The following ARHGAP6 variants were observed in gnomAD, a reference collection of about 807,000 sequenced individuals.
ARHGAP6 encodes the protein rho GTPase-activating protein 6.
Under a neutral mutation model 55.7 loss-of-function variants are expected in ARHGAP6, and 16 were observed. The observed-to-expected ratio is 0.29, with a 90% CI of 0.19 to 0.44. The LOEUF (loss-of-function observed/expected upper bound fraction) is 0.44. Ranked by LOEUF, ARHGAP6 falls within the 20% of genes least tolerant of loss-of-function variation. ARHGAP6 has a pLI of 1.00. For missense variants in ARHGAP6, 698 were observed against 808.9 expected, an observed-to-expected ratio of 0.86 and a Z score of 1.66; for synonymous variants, 382 against 360.9, an observed-to-expected ratio of 1.06 and a Z score of -0.66.
intron 1 of ARHGAP6, among the ~76,000 whole-genome samples, chrX:11,467,987 TG>T (rs200826819): frequency 0.029 from 2,138 of 74,878 alleles, 63 homozygotes; most frequent in African/African-American, 0.083. Context: ...CTTAAATGAA[TG>T]AATGAATAAA....
intron 1 of ARHGAP6, among the ~76,000 whole-genome samples, chrX:11,577,331 C>T (rs936443106): frequency 1.8e-5 from 2 of 111,998 alleles, no homozygotes; most frequent in Non-Finnish European, 3.8e-5. Context: ...CAGTTATCAT[C>T]GAAGGAAACT....
At chrX:11,318,507 T>C (rs1459690318) in intron 1 of ARHGAP6, 1 of 112,068 alleles carries the variant, frequency 8.9e-6, no homozygotes, top group Non-Finnish European at 1.9e-5. Context: ...CATATTATTT[T>C]GCAATCTACT....
chrX:11,378,355 G>C (rs1352177018), intron 1 of ARHGAP6, among the ~76,000 whole-genome samples: 2 of 112,547 alleles, frequency 1.8e-5, no homozygotes, highest in Non-Finnish European at 3.8e-5. Flanking sequence ...ATCCCAATAA[G>C]ATCCTTCATG....
chrX:11,226,354 G>A (rs1367300585), intron 2 of ARHGAP6, among the ~76,000 whole-genome samples: 1 of 111,256 alleles, frequency 9.0e-6, no homozygotes, highest in Non-Finnish European at 1.9e-5. Context: ...GTATTCCATG[G>A]TGTATATATG....
chrX:11,583,355 T>G (rs980785179), intron 1 of ARHGAP6, among the ~76,000 whole-genome samples: 1 of 112,278 alleles, frequency 8.9e-6, no homozygotes, highest in African/African-American at 3.2e-5. Flanking sequence ...TTAGCAGAAC[T>G]GGACCAGATT....
intron 1 of ARHGAP6, among the ~76,000 whole-genome samples, chrX:11,367,089 G>A (rs1451679788): frequency 9.0e-6 from 1 of 111,705 alleles, no homozygotes; most frequent in Non-Finnish European, 1.9e-5. Flanking sequence ...GGTTCCAGAG[G>A]TAACATGCAA....
intron 1 of ARHGAP6, among the ~76,000 whole-genome samples, chrX:11,347,737 A>G (rs1333338498): frequency 8.9e-6 from 1 of 112,330 alleles, no homozygotes; most frequent in Non-Finnish European, 1.9e-5. Context: ...TTGCTAGCAT[A>G]CAGAATAGCT....
At chrX:11,375,122 A>G (rs1313825725) in intron 1 of ARHGAP6, among the ~76,000 whole-genome samples, 1 of 112,349 alleles carries the variant, frequency 8.9e-6, no homozygotes, top group Admixed American at 9.5e-5. Flanking sequence ...AAACCTCCAG[A>G]AAGCAGATAC....
In ARHGAP6 at chrX:11,372,075, G is replaced by A. The variant is rs190906489; in HGVS notation, c.589-117368C>T. On this transcript the variant is annotated intron_variant, in intron 1 of 12. Transcript: ENST00000337414. ...ATCTAAAGTTGATAAAACAAAAGGG[G>A]AAACAAGCCCATCTGCAGAAATAAT... Among the ~76,000 whole-genome samples the A allele has an allele frequency of 7.1e-3, 800 of 111,929 alleles. 8 individuals carry two copies. The highest frequency in any genetic ancestry group is 0.02 in the African/African-American group (604 of 30,932).
chrX:11,321,774 CA>C (rs1276550578), intron 1 of ARHGAP6, among the ~76,000 whole-genome samples: 2 of 111,965 alleles, frequency 1.8e-5, no homozygotes. Context: ...ATCAAAAATT[CA>C]AAAACATTTG....
chrX:11,512,544 G>C (rs2050795307), intron 1 of ARHGAP6, among the ~76,000 whole-genome samples: 1 of 111,329 alleles, frequency 9.0e-6, no homozygotes, highest in Non-Finnish European at 1.9e-5. Context: ...AGCAGGCCTT[G>C]TGTGTTGCTT....
At chrX:11,165,860 G>A (rs1478592870) in intron 9 of ARHGAP6, among the ~76,000 whole-genome samples, 3 of 111,465 alleles carry the variant, frequency 2.7e-5, no homozygotes, top group Non-Finnish European at 3.8e-5. Flanking sequence ...TCTGATTCTC[G>A]GGAGTGCATC....
At position 11,381,486 on chromosome X, in the gene ARHGAP6, G is replaced by A. The variant is rs1340528870; in HGVS notation, c.589-126779C>T. 7.1e-5 allele frequency among the ~76,000 whole-genome samples: 8 copies of A among 111,959 alleles called. No individual in the cohort carries two copies. In the East Asian group the frequency reaches 2.2e-3, roughly 31 times the overall value. Reference sequence around the variant, plus strand: ...AATCCCTTTCATCCCAACGACCATAGAAGATATAAACCAGTTGTTGTCCAA... The same window carrying A: ...AATCCCTTTCATCCCAACGACCATAAAAGATATAAACCAGTTGTTGTCCAA... On this transcript the variant is annotated intron_variant, in intron 1 of 12. Coordinates refer to ENST00000337414, the MANE Select transcript of ARHGAP6 (RefSeq NM_013427.3).
intron 1 of ARHGAP6, among the ~76,000 whole-genome samples, chrX:11,571,957 C>T (rs1431608283): frequency 9.1e-6 from 1 of 109,999 alleles, no homozygotes; most frequent in African/African-American, 3.3e-5. Context: ...CCATTGCTGG[C>T]TTTCAAGACT....
intron 1 of ARHGAP6, among the ~76,000 whole-genome samples, chrX:11,524,320 G>A (rs2050966753): frequency 9.0e-6 from 1 of 111,347 alleles, no homozygotes; most frequent in South Asian, 3.8e-4. Flanking sequence ...TCCTATACAT[G>A]TTCCTCCATA....
At chrX:11,339,691 T>C (rs1367001369) in intron 1 of ARHGAP6, among the ~76,000 whole-genome samples, 7 of 111,725 alleles carry the variant, frequency 6.3e-5, no homozygotes, top group Non-Finnish European at 9.4e-5. Context: ...ATGACACAAA[T>C]TTCTCTCTCC....
At chrX:11,251,036 A>C (rs763245458) in intron 2 of ARHGAP6, among the ~76,000 whole-genome samples, 134 of 112,001 alleles carry the variant, frequency 1.2e-3, no homozygotes, top group Admixed American at 3.2e-3. Flanking sequence ...AACAGTGTTT[A>C]GATACCAGGA....
chrX:11,177,558 C>T (rs2046249454), intron 8 of ARHGAP6, among the ~76,000 whole-genome samples: 1 of 111,503 alleles, frequency 9.0e-6, no homozygotes, highest in African/African-American at 3.3e-5. Context: ...CTGACCCTCC[C>T]TTGCATCGAG....
At chrX:11,618,937 T>G (rs1406510723) in intron 1 of ARHGAP6, among the ~76,000 whole-genome samples, 1 of 111,661 alleles carries the variant, frequency 9.0e-6, no homozygotes, top group South Asian at 3.8e-4. Flanking sequence ...TTTTTTTTAA[T>G]GCAGACAATC....
Sources: gnomAD v4.1 joint callset for allele counts (sites outside exome capture counted in the v4.1 genomes callset) on GRCh38, gnomAD v4.1.1 for gene constraint, MANE v1.5 for transcripts, NCBI Gene and HGNC (gene_info 2026-07-23, HGNC 2026-07-21) for gene names.